The following CNTNAP2 variants were observed in gnomAD, a reference collection of about 807,000 sequenced individuals.
CNTNAP2 encodes the protein contactin-associated protein-like 2.
CNTNAP2 carries 98 observed loss-of-function variants against 155.2 expected under a neutral mutation model. That is an observed-to-expected ratio of 0.63 (90% CI 0.54 to 0.75). The LOEUF (loss-of-function observed/expected upper bound fraction) is 0.75. Ranked by LOEUF, CNTNAP2 falls within the 30% of genes least tolerant of loss-of-function variation. The pLI is 0.00. For synonymous variants in CNTNAP2, 651 were observed against 631.2 expected (o/e 1.03, Z -0.47); for missense variants, 1,727 against 1,688.1 (o/e 1.02, Z -0.40).
chr7:148,020,518 T>C (rs1464020579), intron 15 of CNTNAP2, among the ~76,000 whole-genome samples: 1 of 152,252 alleles, frequency 6.6e-6, no homozygotes, highest in Non-Finnish European at 1.5e-5. Context: ...TGATAAATCA[T>C]CTTTGAGAAT....
intron 1 of CNTNAP2, among the ~76,000 whole-genome samples, chr7:146,580,023 C>A (rs1474828606): frequency 3.3e-5 from 5 of 152,116 alleles, no homozygotes; most frequent in African/African-American, 1.2e-4. Context: ...CAAACACACT[C>A]TTTCCCCTCA....
intron 20 of CNTNAP2, among the ~76,000 whole-genome samples, chr7:148,249,468 G>A (rs939371121): frequency 7.2e-5 from 11 of 152,134 alleles, no homozygotes; most frequent in Admixed American, 5.2e-4. Context: ...CTCATCCAAT[G>A]TCGTGCTCTT....
At chr7:147,120,857 C>G in intron 5 of CNTNAP2, 122 bp from the exon 6 acceptor site, 1 of 896,002 alleles carries the variant, frequency 1.1e-6, no homozygotes, top group Non-Finnish European at 1.8e-6. Context: ...CCCAGGTTAA[C>G]TCGAATGGAT....
chr7:148,408,784 G>T (rs1191615222), intron 22 of CNTNAP2, among the ~76,000 whole-genome samples: 2 of 152,224 alleles, frequency 1.3e-5, no homozygotes, highest in Middle Eastern at 3.4e-3. Flanking sequence ...TTATCTTAGA[G>T]AAATACCTAA....
intron 15 of CNTNAP2, among the ~76,000 whole-genome samples, chr7:147,999,039 T>C (rs1032210253): frequency 6.6e-6 from 1 of 152,212 alleles, no homozygotes; most frequent in Non-Finnish European, 1.5e-5. Flanking sequence ...CCAACAACGC[T>C]ATACTGAAAA....
intron 1 of CNTNAP2, among the ~76,000 whole-genome samples, chr7:146,670,111 C>A (rs1166123686): frequency 2.0e-5 from 3 of 151,980 alleles, no homozygotes; most frequent in African/African-American, 7.2e-5. Flanking sequence ...AGTTTTGTTT[C>A]TTTTTAAGAA....
intron 1 of CNTNAP2, among the ~76,000 whole-genome samples, chr7:146,466,046 T>C (rs1796712965): frequency 6.6e-6 from 1 of 152,174 alleles, no homozygotes; most frequent in Non-Finnish European, 1.5e-5. Flanking sequence ...TTTGACTGTT[T>C]ACGCTGGGCT....
intron 13 of CNTNAP2, among the ~76,000 whole-genome samples, chr7:147,779,419 G>A (rs1797632981): frequency 2.6e-5 from 4 of 152,098 alleles, no homozygotes; most frequent in Admixed American, 2.6e-4. Flanking sequence ...ATAAATTTAG[G>A]TATATAAATG....
intron 1 of CNTNAP2, among the ~76,000 whole-genome samples, chr7:146,732,112 T>C (rs779578406): frequency 4.6e-5 from 7 of 152,128 alleles, no homozygotes; most frequent in Non-Finnish European, 1.0e-4. Context: ...TTTTTTCTTA[T>C]ACACATTTAA....
intron 21 of CNTNAP2, among the ~76,000 whole-genome samples, chr7:148,296,852 G>C (rs1797295434): frequency 6.6e-6 from 1 of 152,154 alleles, no homozygotes; most frequent in Non-Finnish European, 1.5e-5. Context: ...GTTCTTCTAA[G>C]GGTTCGAAAT....
chr7:147,067,679 T>G (rs562677423), intron 4 of CNTNAP2, among the ~76,000 whole-genome samples: 15 of 152,330 alleles, frequency 9.8e-5, no homozygotes, highest in Non-Finnish European at 1.9e-4. Flanking sequence ...GGCAAACTAC[T>G]TAATTTTTGA....
intron 1 of CNTNAP2, among the ~76,000 whole-genome samples, chr7:146,124,113 G>C (rs1423776084): frequency 6.6e-6 from 1 of 152,156 alleles, no homozygotes; most frequent in Non-Finnish European, 1.5e-5. Context: ...TGGAGGGCTA[G>C]GGGAGGGATA....
In CNTNAP2 at chr7:147,090,322, CGT is replaced by C. The variant is rs146882206; in HGVS notation, c.551-17796_551-17795del. On this transcript the variant is annotated intron_variant, in intron 4 of 23. Transcript: ENST00000361727. ...AGAAGACTGATATAGAACATATAAGCGTGTGTGTGTGTGTGTGTGTGTGTGTG... is the reference window on the plus strand; with the variant it reads ...AGAAGACTGATATAGAACATATAAGCGTGTGTGTGTGTGTGTGTGTGTGTG... Among the ~76,000 whole-genome samples the C allele has an allele frequency of 2.5e-3, 355 of 141,704 alleles. 1 individual carries two copies. The highest frequency in any genetic ancestry group is 5.4e-3 in the East Asian group (25 of 4,654). The allele number at this position is 141,704 out of a possible 152,430, so 93.0% of individuals were successfully genotyped here. A position where few individuals can be genotyped will look rare whatever the true frequency, so the allele number is the denominator to read the frequency against.
chr7:146,143,319 A>C (rs951037498), intron 1 of CNTNAP2, among the ~76,000 whole-genome samples: 1 of 152,218 alleles, frequency 6.6e-6, no homozygotes, highest in Non-Finnish European at 1.5e-5. Context: ...GCAAGTGAGC[A>C]AACAGAAATA....
At chr7:147,602,638 A>G (rs1181512718) in intron 12 of CNTNAP2, among the ~76,000 whole-genome samples, 1 of 127,680 alleles carries the variant, frequency 7.8e-6, no homozygotes, top group Non-Finnish European at 1.6e-5. Context: ...ATCCCTCCCC[A>G]CTCCCCCCAC....
chr7:148,315,866 T>C (rs1389895844), intron 21 of CNTNAP2, among the ~76,000 whole-genome samples: 1 of 151,938 alleles, frequency 6.6e-6, no homozygotes, highest in Non-Finnish European at 1.5e-5. Context: ...CACCTATGGT[T>C]AAGACAAAAT....
chr7:147,205,997 A>G lies in CNTNAP2; in HGVS notation c.1348+73488A>G, dbSNP rs150805944. On this transcript the variant is annotated intron_variant, in intron 8 of 23. Coordinates refer to ENST00000361727, the MANE Select transcript of CNTNAP2 (RefSeq NM_014141.6). ...CATTATATACTTACATCAAAATTTC[A>G]CATTTACCCCATAAATATGTACAAC... is the stretch of plus-strand genomic sequence containing the variant. Among the ~76,000 whole-genome samples the G allele has an allele frequency of 3.8e-3, 571 of 152,254 alleles. 5 individuals are homozygous for G. Among genetic ancestry groups the G allele is most frequent in the African/African-American group, 0.013 (543 of 41,572 alleles).
At chr7:147,706,547 G>C (rs79836690) in intron 13 of CNTNAP2, among the ~76,000 whole-genome samples, 8,826 of 152,088 alleles carry the variant, frequency 0.058, 347 homozygotes, top group Middle Eastern at 0.1. Context: ...TTCTCTTGCT[G>C]GTTTTAGAAT....
chr7:146,707,684 C>G (rs935288079), intron 1 of CNTNAP2, among the ~76,000 whole-genome samples: 1 of 152,210 alleles, frequency 6.6e-6, no homozygotes, highest in Middle Eastern at 3.4e-3. Flanking sequence ...AAGCTTTCCT[C>G]TGTCTATTTC....
Sources: allele counts gnomAD v4.1 joint callset (sites outside exome capture counted in the v4.1 genomes callset), GRCh38; gene constraint gnomAD v4.1.1; transcripts MANE v1.5; gene names NCBI Gene and HGNC (gene_info 2026-07-23, HGNC 2026-07-21).